SLC39A8: variants seen among roughly 807,000 people sequenced by gnomAD.
The protein encoded by SLC39A8 is solute carrier family 39 member 8.
SLC39A8 carries 15 observed loss-of-function variants against 40.4 expected under a neutral mutation model. The ratio of observed to expected loss-of-function variants is 0.37; its 90% CI spans 0.25 to 0.57. SLC39A8 has a LOEUF of 0.57. SLC39A8 is among the 20% of genes least tolerant of loss of function. SLC39A8 has a pLI of 0.75. For synonymous variants in SLC39A8, 223 were observed against 221.6 expected (o/e 1.01, Z -0.06); for missense variants, 472 against 558.8 (o/e 0.84, Z 1.57).
chr4:102,302,618 A>G (rs563480977), intron 6 of SLC39A8, among the ~76,000 whole-genome samples: 1 of 152,102 alleles, frequency 6.6e-6, no homozygotes, highest in South Asian at 2.1e-4. Flanking sequence ...AGTCCAGCAA[A>G]GTATATAAGA....
Position 102,262,005 on chromosome 4 carries a change from T to A in SLC39A8, c.*1039A>T. 4 of 985,860 alleles carry A rather than the reference T, an allele frequency of 4.1e-6. No homozygotes were observed. Among genetic ancestry groups the A allele is most frequent in the Non-Finnish European group, 4.8e-6 (4 of 829,860 alleles). 61.1% of individuals were successfully genotyped at this position (985,860 alleles called of 1,614,324 possible). ...TGGTGTGCTAATTTTTTTCAAGGTA[T>A]ACCATATGGAAAAGTATAGGCTGAA... On this transcript the variant is annotated 3_prime_UTR_variant, in exon 9 of 9. Coordinates refer to ENST00000356736, the MANE Select transcript of SLC39A8 (RefSeq NM_001135146.2).
chr4:102,333,444 T>A (rs1460995928), intron 2 of SLC39A8, among the ~76,000 whole-genome samples: 1 of 152,160 alleles, frequency 6.6e-6, no homozygotes, highest in Admixed American at 6.6e-5. Context: ...TATTTATAAG[T>A]TATTATGACA....
intron 2 of SLC39A8, among the ~76,000 whole-genome samples, chr4:102,340,114 T>A (rs1368540071): frequency 6.6e-6 from 1 of 152,176 alleles, no homozygotes; most frequent in Non-Finnish European, 1.5e-5. Flanking sequence ...ATGTGAGGAC[T>A]CAAATTATCA....
At chr4:102,251,795 T>C (rs1731598150) in exon 12 of SLC39A8, 1 of 152,262 alleles carries the variant, frequency 6.6e-6, no homozygotes, top group South Asian at 2.1e-4. Context: ...CAATTTCTCA[T>C]CATTGATAGG....
chr4:102,320,211 A>ACATACATACATG (rs1734862844), intron 2 of SLC39A8, among the ~76,000 whole-genome samples: 1 of 130,890 alleles, frequency 7.6e-6, no homozygotes, highest in Non-Finnish European at 1.6e-5. Flanking sequence ...ATGTATATAT[A>ACATACATACATG]TATGTATATA....
intron 2 of SLC39A8, among the ~76,000 whole-genome samples, chr4:102,330,885 A>C (rs1735423240): frequency 6.6e-6 from 1 of 152,218 alleles, no homozygotes; most frequent in South Asian, 2.1e-4. Flanking sequence ...CAAATCAATA[A>C]ACGTAATCCA....
At chr4:102,282,081 A>G (rs1732907196) in intron 6 of SLC39A8, among the ~76,000 whole-genome samples, 1 of 152,236 alleles carries the variant, frequency 6.6e-6, no homozygotes, top group African/African-American at 2.4e-5. Context: ...TGAGGTATAG[A>G]AAGGTTAGGT....
At chr4:102,328,467 T>G (rs1294220135) in intron 2 of SLC39A8, among the ~76,000 whole-genome samples, 2 of 152,180 alleles carry the variant, frequency 1.3e-5, no homozygotes, top group Non-Finnish European at 2.9e-5. Context: ...AGAGAGTTCA[T>G]GTGTCCTTTT....
rs17032290 is a variant in SLC39A8, at chr4:102,253,571, T to C, written c.*299-141A>G. 0.049 allele frequency: 22,483 copies of C among 458,388 alleles called. 694 individuals are homozygous for C. Among genetic ancestry groups the C allele is most frequent in the African/African-American group, 0.091 (4,517 of 49,462 alleles). The allele number at this position is 458,388 out of a possible 1,614,324, so 28.4% of individuals were successfully genotyped here. A position where few individuals can be genotyped will look rare whatever the true frequency, so the allele number is the denominator to read the frequency against. ...TTAGCTTTTTTAGAATACATGTTCA[T>C]TGAAGAAAATTGGAAAGCATTAAAA... On this transcript the variant is annotated intron_variant and NMD_transcript_variant, in intron 11 of 11. Coordinates refer to the SLC39A8 transcript ENST00000424970.
intron 2 of SLC39A8, among the ~76,000 whole-genome samples, chr4:102,323,775 C>T (rs1735066036): frequency 6.6e-6 from 1 of 152,202 alleles, no homozygotes; most frequent in Non-Finnish European, 1.5e-5. Context: ...TATATGTGTT[C>T]TCATGCCTTT....
At chr4:102,326,138 C>T (rs1167929479) in intron 2 of SLC39A8, among the ~76,000 whole-genome samples, 1 of 152,194 alleles carries the variant, frequency 6.6e-6, no homozygotes, top group Non-Finnish European at 1.5e-5. Flanking sequence ...GGCATTATCC[C>T]ATTTTGCCAA....
At chr4:102,341,377 G>T (rs963510350) in intron 2 of SLC39A8, among the ~76,000 whole-genome samples, 1 of 152,168 alleles carries the variant, frequency 6.6e-6, no homozygotes, top group Non-Finnish European at 1.5e-5. Flanking sequence ...AAGAGGAAAT[G>T]AGGAAAAGGA....
At chr4:102,272,339 T>C (rs1356305371) in intron 6 of SLC39A8, among the ~76,000 whole-genome samples, 1 of 151,420 alleles carries the variant, frequency 6.6e-6, no homozygotes. Context: ...CTCAGGAGGC[T>C]GAGGCAGGAG....
At chr4:102,299,322 T>A (rs549255139) in intron 6 of SLC39A8, among the ~76,000 whole-genome samples, 2 of 151,936 alleles carry the variant, frequency 1.3e-5, no homozygotes, top group Non-Finnish European at 2.9e-5. Flanking sequence ...AAAGAGTGCT[T>A]TCCATTTTTC....
intron 2 of SLC39A8, among the ~76,000 whole-genome samples, chr4:102,335,300 A>C (rs1313074075): frequency 1.3e-5 from 2 of 152,198 alleles, no homozygotes. Context: ...TGCCAAGCTC[A>C]GAATCGGTGT....
intron 6 of SLC39A8, among the ~76,000 whole-genome samples, chr4:102,302,941 C>A (rs958137721): frequency 1.3e-5 from 2 of 151,986 alleles, no homozygotes; most frequent in Non-Finnish European, 2.9e-5. Flanking sequence ...TTCCTCTTAG[C>A]TGAGTGCTAA....
chr4:102,324,339 G>C (rs1457877308), intron 2 of SLC39A8: 1 of 214,104 alleles, frequency 4.7e-6, no homozygotes, highest in African/African-American at 2.4e-5. Context: ...AGGCTGCAGT[G>C]AGCCGAGATA....
intron 2 of SLC39A8, among the ~76,000 whole-genome samples, chr4:102,318,702 C>G (rs541019985): frequency 1.3e-5 from 2 of 152,110 alleles, no homozygotes; most frequent in Non-Finnish European, 2.9e-5. Flanking sequence ...CCTTTCACCT[C>G]CAAAACAATG....
At chr4:102,304,232 A>G (rs1243094007) in intron 6 of SLC39A8, 85 bp downstream of exon 6, 7 of 1,057,300 alleles carry the variant, frequency 6.6e-6, no homozygotes, top group Non-Finnish European at 9.5e-6. Context: ...TAAATGTACA[A>G]AAACTGACTT....
Sources: gnomAD v4.1 joint callset for allele counts (sites outside exome capture counted in the v4.1 genomes callset) on GRCh38, gnomAD v4.1.1 for gene constraint, MANE v1.5 for transcripts, NCBI Gene and HGNC (gene_info 2026-07-23, HGNC 2026-07-21) for gene names.